The following PFKFB3 variants were observed in gnomAD, a reference collection of about 807,000 sequenced individuals.
PFKFB3 encodes the protein 6-phosphofructo-2-kinase/fructose-2,6-bisphosphatase 3.
A neutral mutation model predicts 68.0 loss-of-function variants in PFKFB3; 33 were observed. That is an observed-to-expected ratio of 0.49 (90% CI 0.37 to 0.65). The LOEUF (loss-of-function observed/expected upper bound fraction) is 0.65, where lower values mean the gene tolerates loss of function less well. PFKFB3 is among the 30% of genes least tolerant of loss of function. The pLI, the probability that PFKFB3 is intolerant of heterozygous loss-of-function variation, is 0.00. For synonymous variants in PFKFB3, 315 were observed against 288.2 expected (o/e 1.09, Z -0.94); for missense variants, 586 against 712.2 (o/e 0.82, Z 2.02).
chr10:6,177,438 C>CTTTCTTTCTTTCTTTCTTTCTT (rs1554842946), intron 1 of PFKFB3, among the ~76,000 whole-genome samples: 3 of 86,716 alleles, frequency 3.5e-5, no homozygotes, highest in East Asian at 7.9e-4. Flanking sequence ...TCTTTTCTTT[C>CTTTCTTTCTTTCTTTCTTTCTT]TCTTTCTTTC....
intron 1 of PFKFB3, among the ~76,000 whole-genome samples, chr10:6,177,354 CTCTTTCTTTCTTTCTT>C (rs71294418): frequency 0.011 from 872 of 77,904 alleles, 21 homozygotes; most frequent in Middle Eastern, 0.026. Context: ...CTTTTCTTTT[CTCTTTCTTTCTTTCTT>C]TCTTTCTTTC....
the PFKFB3 span, among the ~76,000 whole-genome samples, chr10:6,307,333 ACAC>A: frequency 6.2e-4 from 73 of 117,510 alleles, no homozygotes; most frequent in Middle Eastern, 4.2e-3. Context: ...TGCGTACTAC[ACAC>A]ACACACACAC....
At chr10:6,223,024 G>A (rs1257825788) in intron 11 of PFKFB3, 40 bp downstream of exon 11, 2 of 1,597,252 alleles carry the variant, frequency 1.3e-6, no homozygotes, top group Non-Finnish European at 8.5e-7. Flanking sequence ...GGAGGGAGGA[G>A]GGGACTGGCA....
chr10:6,167,928 T>C (rs968951310), intron 1 of PFKFB3, among the ~76,000 whole-genome samples: 1 of 150,068 alleles, frequency 6.7e-6, no homozygotes, highest in Non-Finnish European at 1.5e-5. Flanking sequence ...TCTGGTCCTT[T>C]GTCCCTTGCT....
chr10:6,221,786 A>G lies in PFKFB3; in HGVS notation c.1083+41A>G, dbSNP rs551937396. ...GGCGGGCTGACGGTCCCCAGCACAC[A>G]TGACCACTGCTGTGCAGGGCTGGGC... is the stretch of plus-strand genomic sequence containing the variant. On this transcript the variant is annotated intron_variant, in intron 10 of 14. Coordinates refer to ENST00000379775, the MANE Select transcript of PFKFB3 (RefSeq NM_004566.4). 32 of 1,348,676 alleles carry G rather than the reference A, an allele frequency of 2.4e-5. No individual in the cohort carries two copies. In the African/African-American group the frequency reaches 2.9e-4, roughly 12 times the overall value. The allele number at this position is 1,348,676 out of a possible 1,614,324, so 83.5% of individuals were successfully genotyped here.
At chr10:6,187,471 C>T (rs995564837) in intron 1 of PFKFB3, among the ~76,000 whole-genome samples, 7 of 152,156 alleles carry the variant, frequency 4.6e-5, no homozygotes, top group Non-Finnish European at 7.3e-5. Flanking sequence ...GTTTATATTA[C>T]GCTGTCTCAT....
chr10:6,164,619 A>C (rs117149101), intron 1 of PFKFB3, among the ~76,000 whole-genome samples: 1,632 of 152,254 alleles, frequency 0.011, 61 homozygotes, highest in East Asian at 0.098. Context: ...AAGGACCCGC[A>C]CTGGTGGCCG....
chr10:6,204,932 T>G (rs952356606), intron 1 of PFKFB3, among the ~76,000 whole-genome samples: 1 of 152,200 alleles, frequency 6.6e-6, no homozygotes, highest in Non-Finnish European at 1.5e-5. Flanking sequence ...GGCTCTGAGA[T>G]CTGTTGGCAT....
chr10:6,292,266 CTTTTTTTTTTTCTTTTTT>C, the PFKFB3 span, among the ~76,000 whole-genome samples: 2 of 107,264 alleles, frequency 1.9e-5, no homozygotes, highest in Non-Finnish European at 3.7e-5. Context: ...AACCAGTGTA[CTTTTTTTTTTTCTTTTTT>C]TTTTTTTTTT....
At chr10:6,204,055 C>A (rs146554609) in intron 1 of PFKFB3, among the ~76,000 whole-genome samples, 4 of 152,196 alleles carry the variant, frequency 2.6e-5, no homozygotes, top group Non-Finnish European at 5.9e-5. Flanking sequence ...CGCTGCTCCA[C>A]GCGCCCCGGG....
chr10:6,237,326 C>T (rs1181927134), downstream of PFKFB3, among the ~76,000 whole-genome samples: 2 of 152,248 alleles, frequency 1.3e-5, no homozygotes, highest in African/African-American at 4.8e-5. Context: ...GGACCTGGCC[C>T]GCAGTGGGCT....
intron 1 of PFKFB3, among the ~76,000 whole-genome samples, chr10:6,167,314 T>A (rs1484326576): frequency 6.6e-6 from 1 of 152,190 alleles, no homozygotes; most frequent in Non-Finnish European, 1.5e-5. Context: ...CCTGTGCGGG[T>A]CTCATTCAGC....
chr10:6,250,570 C>CAA (rs34324800), intron 14 of PFKFB3, among the ~76,000 whole-genome samples: 4 of 122,490 alleles, frequency 3.3e-5, no homozygotes, highest in Non-Finnish European at 5.4e-5. Context: ...GACTCGGTCT[C>CAA]AAAAAAAAAA....
At chr10:6,146,556 C>CA in intron 1 of PFKFB3, 1 of 1,464,468 alleles carries the variant, frequency 6.8e-7, no homozygotes, top group Admixed American at 2.0e-5. Flanking sequence ...TGTCCCTCCC[C>CA]CCCTACTCAT....
intron 1 of PFKFB3, among the ~76,000 whole-genome samples, chr10:6,166,415 C>T (rs2131730213): frequency 6.6e-6 from 1 of 152,032 alleles, no homozygotes; most frequent in African/African-American, 2.4e-5. Flanking sequence ...TTCTGAGCCT[C>T]TTCCTCCTTC....
upstream of PFKFB3, among the ~76,000 whole-genome samples, chr10:6,201,125 CCG>C (rs1843333917): frequency 2.0e-5 from 3 of 151,810 alleles, no homozygotes; most frequent in Admixed American, 1.3e-4. This position sits in a 1 kb window ranked among gnomAD's most constrained non-coding sequence, Gnocchi z 4.1. Context: ...GCCGCTCTCC[CCG>C]CGCGCAGCCT....
At chr10:6,183,980 G>A (rs939041323) in intron 1 of PFKFB3, among the ~76,000 whole-genome samples, 9 of 151,726 alleles carry the variant, frequency 5.9e-5, no homozygotes, top group Admixed American at 1.3e-4. Flanking sequence ...GTGAGCCACC[G>A]CGCCTGGCCT....
chr10:6,312,296 T>C, the PFKFB3 span, among the ~76,000 whole-genome samples: 764 of 137,074 alleles, frequency 5.6e-3, 5 homozygotes, highest in African/African-American at 0.02. Context: ...ATTTGTATCT[T>C]GGAAGAATAA....
At chr10:6,180,382 T>A (rs1026390485) in intron 1 of PFKFB3, among the ~76,000 whole-genome samples, 6 of 152,088 alleles carry the variant, frequency 3.9e-5, no homozygotes, top group Non-Finnish European at 8.8e-5. Flanking sequence ...AAGAAAGAAA[T>A]CATTCATAAT....
Sources: gnomAD v4.1 joint callset for allele counts (sites outside exome capture counted in the v4.1 genomes callset) on GRCh38, gnomAD v4.1.1 for gene constraint, Gnocchi (gnomAD v3.1) non-coding constraint, MANE v1.5 for transcripts, NCBI Gene and HGNC (gene_info 2026-07-23, HGNC 2026-07-21) for gene names.